Variants in LINGO2 observed in about 807,000 individuals in gnomAD.
LINGO2 encodes the protein leucine rich repeat and Ig domain containing 2.
LINGO2 carries 14 observed loss-of-function variants against 30.6 expected under a neutral mutation model. The ratio of observed to expected loss-of-function variants is 0.46; its 90% CI spans 0.30 to 0.72. The LOEUF (loss-of-function observed/expected upper bound fraction) is 0.72, where lower values mean the gene tolerates loss of function less well. Ranked by LOEUF, LINGO2 falls within the 30% of genes least tolerant of loss-of-function variation. LINGO2 has a pLI of 0.07. For synonymous variants in LINGO2, 317 were observed against 288.5 expected, an observed-to-expected ratio of 1.10 and a Z score of -1.00; for missense variants, 729 against 751.7, an observed-to-expected ratio of 0.97 and a Z score of 0.35.
chr9:28,507,238 CGT>C lies in LINGO2; in HGVS notation c.-364-31215_-364-31214del, dbSNP rs796638903. Among the ~76,000 whole-genome samples the C allele has an allele frequency of 1.6e-3, 236 of 150,642 alleles. 2 individuals are homozygous for C. The highest frequency in any genetic ancestry group is 1.0e-3 in the Non-Finnish European group (69 of 67,750). On this transcript the variant is annotated intron_variant, in intron 1 of 5. Transcript: ENST00000379992. ...GTGTGTGTGTGTGTGTGTGTGTGTG[CGT>C]GCGTGCGCACATGTGTGTGTAGATA...
At chr9:28,811,419 G>A in the LINGO2 span, among the ~76,000 whole-genome samples, 1 of 152,076 alleles carries the variant, frequency 6.6e-6, no homozygotes, top group African/African-American at 2.4e-5. Context: ...TTCAAAACAT[G>A]AATGAAACCT....
At chr9:28,191,494 T>C (rs1819821822) in intron 4 of LINGO2, among the ~76,000 whole-genome samples, 1 of 152,188 alleles carries the variant, frequency 6.6e-6, no homozygotes, top group South Asian at 2.1e-4. Flanking sequence ...ATAAAATCAC[T>C]TGGCTCATTT....
At chr9:27,987,496 A>C (rs1821179193) in intron 5 of LINGO2, among the ~76,000 whole-genome samples, 1 of 151,858 alleles carries the variant, frequency 6.6e-6, no homozygotes. Context: ...TAGCTTTGTA[A>C]GTACTGTACC....
At chr9:29,143,587 T>C in the LINGO2 span, among the ~76,000 whole-genome samples, 1 of 152,130 alleles carries the variant, frequency 6.6e-6, no homozygotes, top group Admixed American at 6.6e-5. Flanking sequence ...CAAATGTTAC[T>C]GAGAAAACTG....
At chr9:28,146,663 A>G (rs1048223103) in intron 4 of LINGO2, among the ~76,000 whole-genome samples, 2 of 152,108 alleles carry the variant, frequency 1.3e-5, no homozygotes, top group African/African-American at 4.8e-5. Flanking sequence ...TTTTTCATAC[A>G]TGTTTCCCTA....
At chr9:28,351,378 G>A (rs1204190025) in intron 3 of LINGO2, among the ~76,000 whole-genome samples, 29 of 150,172 alleles carry the variant, frequency 1.9e-4, no homozygotes, top group South Asian at 1.1e-3. Flanking sequence ...ACACCTCTAT[G>A]CAAATAAACT....
chr9:28,161,805 A>G (rs1442579750), intron 4 of LINGO2, among the ~76,000 whole-genome samples: 6 of 152,020 alleles, frequency 3.9e-5, no homozygotes, highest in African/African-American at 1.4e-4. Context: ...TATTTTCGCC[A>G]TTTCATTTCA....
the LINGO2 span, among the ~76,000 whole-genome samples, chr9:28,809,283 A>C: frequency 6.6e-3 from 1,004 of 152,330 alleles, 7 homozygotes; most frequent in Non-Finnish European, 0.011. Flanking sequence ...GATTATGAGG[A>C]CTGACAGAAT....
chr9:28,328,998 C>T (rs1825326432), intron 3 of LINGO2, among the ~76,000 whole-genome samples: 1 of 152,082 alleles, frequency 6.6e-6, no homozygotes, highest in South Asian at 2.1e-4. Context: ...CATTGAATGG[C>T]CTTCACAGAG....
the LINGO2 span, among the ~76,000 whole-genome samples, chr9:29,006,893 C>A: frequency 1.3e-5 from 2 of 152,130 alleles, no homozygotes; most frequent in African/African-American, 4.8e-5. Flanking sequence ...GCAGCCTTAG[C>A]AGCATTAGCT....
chr9:28,341,650 T>C (rs73433310), intron 3 of LINGO2, among the ~76,000 whole-genome samples: 3,354 of 152,266 alleles, frequency 0.022, 99 homozygotes, highest in African/African-American at 0.076. Flanking sequence ...ATTAAGCTTA[T>C]GAAACTTTAC....
chr9:28,780,962 C>G, the LINGO2 span, among the ~76,000 whole-genome samples: 1 of 151,388 alleles, frequency 6.6e-6, no homozygotes, highest in African/African-American at 2.4e-5. Flanking sequence ...TAGGAAATTA[C>G]AGTAACAAAA....
chr9:29,006,812 G>A, the LINGO2 span, among the ~76,000 whole-genome samples: 1 of 151,980 alleles, frequency 6.6e-6, no homozygotes, highest in East Asian at 1.9e-4. Flanking sequence ...CTAAGTGAAC[G>A]AAAAATCTCA....
At chr9:29,199,990 C>T in the LINGO2 span, among the ~76,000 whole-genome samples, 2 of 151,722 alleles carry the variant, frequency 1.3e-5, no homozygotes, top group Admixed American at 6.6e-5. Context: ...TATCAGAATG[C>T]CTTAAGAATA....
chr9:28,701,667 T>C, the LINGO2 span, among the ~76,000 whole-genome samples: 1 of 151,936 alleles, frequency 6.6e-6, no homozygotes. Flanking sequence ...AATTTTTTAA[T>C]ATCAACAAAA....
chr9:28,427,740 G>C (rs1186104291), intron 2 of LINGO2, among the ~76,000 whole-genome samples: 1 of 152,032 alleles, frequency 6.6e-6, no homozygotes, highest in Admixed American at 6.6e-5. Context: ...TCGTTCCAAA[G>C]GTATTCCTTT....
chr9:28,960,902 T>C, the LINGO2 span, among the ~76,000 whole-genome samples: 1 of 152,010 alleles, frequency 6.6e-6, no homozygotes, highest in African/African-American at 2.4e-5. Flanking sequence ...TTATTTAAAT[T>C]TTAACAAAAT....
intron 1 of LINGO2, among the ~76,000 whole-genome samples, chr9:28,662,049 A>G (rs554873965): frequency 6.6e-6 from 1 of 152,330 alleles, no homozygotes; most frequent in South Asian, 2.1e-4. Context: ...AGGGAACTCA[A>G]CAGTGAACTA....
chr9:29,148,264 T>C, the LINGO2 span, among the ~76,000 whole-genome samples: 1 of 152,148 alleles, frequency 6.6e-6, no homozygotes, highest in African/African-American at 2.4e-5. Context: ...AAGCTGATCC[T>C]TCCTATAGGA....
Sources: allele counts gnomAD v4.1 joint callset (sites outside exome capture counted in the v4.1 genomes callset), GRCh38; gene constraint gnomAD v4.1.1; transcripts MANE v1.5; gene names NCBI Gene and HGNC (gene_info 2026-07-23, HGNC 2026-07-21).